LAMA2: variants seen among roughly 807,000 people sequenced by gnomAD.
LAMA2 encodes laminin subunit alpha-2.
In LAMA2, 269 loss-of-function variants were observed where a neutral mutation model predicts 364.8. The ratio of observed to expected loss-of-function variants is 0.74; its 90% confidence interval spans 0.67 to 0.82. The LOEUF (loss-of-function observed/expected upper bound fraction) is 0.82, where lower values mean the gene tolerates loss of function less well. Ranked by LOEUF, LAMA2 falls within the 40% of genes least tolerant of loss-of-function variation. The pLI, the probability that LAMA2 is intolerant of heterozygous loss-of-function variation, is 0.00. For synonymous variants in LAMA2, 1,379 were observed against 1,370.6 expected (o/e 1.01, Z -0.14); for missense variants, 3,807 against 3,873.2 (o/e 0.98, Z 0.45).
intron 35 of LAMA2, among the ~76,000 whole-genome samples, chr6:129,386,971 T>C (rs935618480): frequency 6.6e-6 from 1 of 152,172 alleles, no homozygotes; most frequent in Non-Finnish European, 1.5e-5. Context: ...AAAATGTTTG[T>C]TCTTTTGGTC....
chr6:129,436,443 A>C (rs549323139), intron 41 of LAMA2, among the ~76,000 whole-genome samples: 1 of 152,292 alleles, frequency 6.6e-6, no homozygotes, highest in South Asian at 2.1e-4. Context: ...CATTGTATGA[A>C]CATGCTGTGT....
In LAMA2 at chr6:129,320,522, T is replaced by C; in HGVS notation, c.4059-16T>C. 1 of 1,412,266 alleles carries C rather than the reference T, an allele frequency of 7.1e-7. No homozygotes were observed. The highest frequency in any genetic ancestry group is 1.0e-6 in the Non-Finnish European group (1 of 995,804). 87.5% of individuals were successfully genotyped at this position (1,412,266 alleles called of 1,614,324 possible). A position where few individuals can be genotyped will look rare whatever the true frequency, so the allele number is the denominator to read the frequency against. On this transcript the variant is annotated splice_polypyrimidine_tract_variant and intron_variant, in intron 27 of 64. Coordinates refer to ENST00000421865, the MANE Select transcript of LAMA2 (RefSeq NM_000426.4). Reference sequence around the variant, plus strand: ...TGACTGTCATAGTAATCTAAGTACATTCTCGCTGTTTCTAGGATTTCTGAA... The same window carrying C: ...TGACTGTCATAGTAATCTAAGTACACTCTCGCTGTTTCTAGGATTTCTGAA...
chr6:129,247,194 A>C (rs913641468), intron 12 of LAMA2, among the ~76,000 whole-genome samples: 1 of 152,182 alleles, frequency 6.6e-6, no homozygotes. Flanking sequence ...TCACACCTGT[A>C]ATCCCAGCAC....
At chr6:129,317,226 C>G (rs1286073393) in intron 27 of LAMA2, among the ~76,000 whole-genome samples, 1 of 151,994 alleles carries the variant, frequency 6.6e-6, no homozygotes, top group Non-Finnish European at 1.5e-5. Flanking sequence ...ATATAGGAGA[C>G]CTCAATTTCT....
intron 1 of LAMA2, among the ~76,000 whole-genome samples, chr6:128,934,219 A>C (rs763454494): frequency 2.0e-5 from 3 of 152,152 alleles, no homozygotes; most frequent in Non-Finnish European, 2.9e-5. Context: ...TGTAGTTTTA[A>C]TGGCCTAGTC....
At chr6:129,028,946 CT>C (rs1786028607) in intron 1 of LAMA2, among the ~76,000 whole-genome samples, 1 of 151,826 alleles carries the variant, frequency 6.6e-6, no homozygotes, top group African/African-American at 2.4e-5. Context: ...TAGCCTTTGG[CT>C]GTCTTGACAT....
chr6:129,362,457 T>C (rs1258456827), intron 32 of LAMA2, among the ~76,000 whole-genome samples: 2 of 152,134 alleles, frequency 1.3e-5, no homozygotes, highest in African/African-American at 4.8e-5. Context: ...TCTACCTCCC[T>C]GATCTTCTCA....
intron 1 of LAMA2, among the ~76,000 whole-genome samples, chr6:128,973,412 T>C (rs752978194): frequency 8.5e-5 from 13 of 152,334 alleles, no homozygotes; most frequent in Middle Eastern, 3.4e-3. Context: ...ATCAAAATGA[T>C]TGAAGCAGTT....
intron 41 of LAMA2, among the ~76,000 whole-genome samples, chr6:129,428,769 A>G (rs1781449669): frequency 6.6e-6 from 1 of 152,126 alleles, no homozygotes; most frequent in East Asian, 1.9e-4. Context: ...CTTGTATTTT[A>G]TTTCTGATTC....
intron 1 of LAMA2, among the ~76,000 whole-genome samples, chr6:129,039,488 A>G (rs909885032): frequency 2.0e-5 from 3 of 152,220 alleles, no homozygotes; most frequent in African/African-American, 7.2e-5. Context: ...CTACGACACT[A>G]CAGGTGACAG....
Position 129,267,135 on chromosome 6 carries a change from C to A in LAMA2, c.2238C>A (p.Asn746Lys). The A allele has an allele frequency of 3.7e-6, 6 of 1,612,896 alleles. No homozygotes were observed. The highest frequency in any genetic ancestry group is 5.1e-6 in the Non-Finnish European group (6 of 1,179,034). The change falls in exon 16 of 65, where the codon AAC (asparagine) becomes AAA (lysine). Residue 746 changes from asparagine (N) to lysine (K), a missense_variant. Around this residue, in one of 3 missense-constraint regions of LAMA2, gnomAD observed 3,333 missense variants for 3,345.7 expected, o/e 1.00. Transcript: ENST00000421865. The stretch of plus-strand genomic sequence containing the variant: ...GTTGGCCTAGGCACAGGCGAGTTAA[C>A]GGCACTATTTTTGGTGGCATCTGTG... ...ESCWPRHRRV[N>K]GTIFGGICEP...
intron 10 of LAMA2, 123 bp downstream of exon 10, chr6:129,177,989 C>T: frequency 9.7e-7 from 1 of 1,026,550 alleles, no homozygotes; most frequent in Non-Finnish European, 1.5e-6. Context: ...ATAATCTATT[C>T]TACGTGTGGT....
intron 1 of LAMA2, among the ~76,000 whole-genome samples, chr6:128,906,931 A>C (rs1777519498): frequency 6.6e-6 from 1 of 151,740 alleles, no homozygotes; most frequent in African/African-American, 2.4e-5. Flanking sequence ...GGTTTGTCAA[A>C]GATCAGATAG....
intron 1 of LAMA2, among the ~76,000 whole-genome samples, chr6:128,941,232 TA>T (rs1780135210): frequency 6.6e-6 from 1 of 152,196 alleles, no homozygotes; most frequent in African/African-American, 2.4e-5. Context: ...TAAATGACTT[TA>T]TTTCGAACAT....
At chr6:129,465,324 T>A in intron 51 of LAMA2, 35 bp downstream of exon 51, 1 of 1,529,026 alleles carries the variant, frequency 6.5e-7, no homozygotes, top group Non-Finnish European at 9.0e-7. Flanking sequence ...ATATAGGCCT[T>A]AATCATGAAA....
intron 29 of LAMA2, among the ~76,000 whole-genome samples, chr6:129,330,377 T>C (rs1282470183): frequency 6.6e-6 from 1 of 151,598 alleles, no homozygotes; most frequent in Non-Finnish European, 1.5e-5. Context: ...ATGTGCCCCC[T>C]CTCCATCTGC....
intron 20 of LAMA2, 47 bp from the exon 21 acceptor site, chr6:129,297,638 G>T (rs762916346): frequency 2.5e-6 from 4 of 1,573,440 alleles, no homozygotes; most frequent in Non-Finnish European, 3.5e-6. Flanking sequence ...GCTTCACTTC[G>T]AGTTAACTGA....
At chr6:129,422,586 G>A (rs1028996565) in intron 40 of LAMA2, among the ~76,000 whole-genome samples, 1 of 152,066 alleles carries the variant, frequency 6.6e-6, no homozygotes, top group African/African-American at 2.4e-5. Flanking sequence ...CAATTTTATG[G>A]CAATAATTCA....
intron 1 of LAMA2, among the ~76,000 whole-genome samples, chr6:129,010,667 C>T (rs1411629787): frequency 6.6e-6 from 1 of 152,142 alleles, no homozygotes; most frequent in Non-Finnish European, 1.5e-5. Context: ...AATTAATGGG[C>T]AGTGGGGAGA....
Sources: allele counts gnomAD v4.1 joint callset (sites outside exome capture counted in the v4.1 genomes callset), GRCh38; gene constraint gnomAD v4.1.1; regional missense constraint gnomAD v4.1.1; transcripts MANE v1.5; gene names NCBI Gene and HGNC (gene_info 2026-07-23, HGNC 2026-07-21).